IDH2: variants seen among roughly 807,000 people sequenced by gnomAD.
IDH2 encodes isocitrate dehydrogenase (NADP(+)) 2, also known as isocitrate dehydrogenase [NADP], mitochondrial.
Under a neutral mutation model 50.5 loss-of-function variants are expected in IDH2, and 18 were observed. The ratio of observed to expected loss-of-function variants is 0.36; its 90% CI spans 0.25 to 0.53. IDH2 has a LOEUF of 0.53. Among genes scored for constraint, IDH2 ranks in the 20% least tolerant of loss-of-function variants. The probability of loss-of-function intolerance (pLI) is 0.92; values close to 1 mark genes in which losing one functional copy is unlikely to be tolerated. For synonymous variants in IDH2, 280 were observed against 239.8 expected, an observed-to-expected ratio of 1.17 and a Z score of -1.55; for missense variants, 518 against 610.7, an observed-to-expected ratio of 0.85 and a Z score of 1.60.
Position 90,088,451 on chromosome 15 carries a change from A to G in IDH2, c.586T>C (p.Phe196Leu), listed in dbSNP as rs917135445. 4 of 1,614,086 alleles carry G rather than the reference A, an allele frequency of 2.5e-6. No individual in the cohort carries two copies. The African/African-American group carries it at 4.0e-5, about 16-fold the overall frequency. ...ADRAGTFKMV[F>L]TPKDGSGVKE... ...ACACCACTGCCATCTTTTGGGGTGAAGACCATTTTGAAAGTGCCGGCCCGG... is the reference window on the plus strand; with the variant it reads ...ACACCACTGCCATCTTTTGGGGTGAGGACCATTTTGAAAGTGCCGGCCCGG... Residue 196 changes from phenylalanine to leucine, a missense_variant, in exon 5 of 11, where the codon TTC becomes CTC. Physicochemically the swap from Phe to Leu is conservative, Grantham distance 22 (BLOSUM62 0). Around this residue, in one of 5 missense-constraint regions of IDH2, gnomAD observed 207 missense variants for 208.6 expected, o/e 0.99. Transcript: ENST00000330062.
chr15:90,095,604 A>G (rs956650204), intron 1 of IDH2, among the ~76,000 whole-genome samples: 16 of 152,192 alleles, frequency 1.1e-4, no homozygotes, highest in Non-Finnish European at 2.2e-4. Flanking sequence ...AGGAGAGTTC[A>G]AGGTCAAGAT....
chr15:90,094,858 C>T (rs143755928), intron 1 of IDH2, among the ~76,000 whole-genome samples: 3,287 of 152,072 alleles, frequency 0.022, 45 homozygotes, highest in Non-Finnish European at 0.033. Context: ...GCCAAGATCA[C>T]GGCACTGCAC....
In IDH2 at chr15:90,102,294, C is replaced by A; in HGVS notation, c.97G>T (p.Glu33Ter). 1 of 1,334,338 alleles carries A rather than the reference C, an allele frequency of 7.5e-7. No homozygotes were observed. Among genetic ancestry groups the A allele is most frequent in the South Asian group, 1.8e-5 (1 of 56,906 alleles). The allele number at this position is 1,334,338 out of a possible 1,614,324, so 82.7% of individuals were successfully genotyped here. Residue 33 changes from glutamate (E) to a stop codon, truncating the protein, a stop_gained, in exon 1 of 11, where the codon GAG becomes TAG. Transcript: ENST00000330062. LOFTEE classifies it high-confidence loss of function. ...CACTCACAGTGGCGCCGCGGCTGCT[C>A]TTGCGAGGTGGGGGCTGTCAGGGCC... ...PAALTAPTSQ[E>*]QPRRHYADKR...
intron 3 of IDH2, among the ~76,000 whole-genome samples, chr15:90,089,848 G>C (rs1391400490): frequency 6.6e-6 from 1 of 152,190 alleles, no homozygotes; most frequent in East Asian, 1.9e-4. Context: ...CCTGGTGGGG[G>C]CACCTCTCAG....
chr15:90,083,960 G>C lies in IDH2; in HGVS notation c.*306C>G, dbSNP rs1351886204. On this transcript the variant is annotated 3_prime_UTR_variant, in exon 11 of 11. Transcript: ENST00000330062. ...GGTCCCACTACCTCCTCCCCTCAGG[G>C]ACAAACACAGCAGACAATTTTGTGA... is the stretch of plus-strand genomic sequence containing the variant. 1.1e-5 allele frequency: 5 copies of C among 468,786 alleles called. No homozygotes were observed. The East Asian group carries it at 1.9e-4, about 18-fold the overall frequency. 29.0% of individuals were successfully genotyped at this position (468,786 alleles called of 1,614,324 possible). A position where few individuals can be genotyped will look rare whatever the true frequency, so the allele number is the denominator to read the frequency against.
At chr15:90,101,299 G>A (rs1901324380) in intron 1 of IDH2, among the ~76,000 whole-genome samples, 2 of 152,316 alleles carry the variant, frequency 1.3e-5, no homozygotes, top group South Asian at 4.1e-4. Flanking sequence ...CTCCTGGCCA[G>A]ATTAGGATAG....
intron 3 of IDH2, among the ~76,000 whole-genome samples, 159 bp from the exon 4 acceptor site, chr15:90,088,906 A>ATT (rs57901991): frequency 0.032 from 3,093 of 96,376 alleles, 105 homozygotes; most frequent in Non-Finnish European, 0.046. Context: ...GAGTCTGCCA[A>ATT]TTTTTTTTTT....
chr15:90,088,811 C>T (rs2151550107), intron 3 of IDH2, 64 bp from the exon 4 acceptor site: 1 of 1,584,052 alleles, frequency 6.3e-7, no homozygotes, highest in Non-Finnish European at 8.6e-7. Flanking sequence ...AATTTGAACC[C>T]CAAGCAACAA....
chr15:90,086,416 G>A (rs893337116), intron 7 of IDH2, among the ~76,000 whole-genome samples: 4 of 151,424 alleles, frequency 2.6e-5, no homozygotes, highest in Admixed American at 6.6e-5. Context: ...TTTTGGAGAC[G>A]GAGTTTCACC....
At position 90,085,444 on chromosome 15, in the gene IDH2, G is replaced by T; in HGVS notation, c.968-57C>A. On this transcript the variant is annotated intron_variant, in intron 7 of 10. Transcript: ENST00000330062. This position sits in a 1 kb window ranked among gnomAD's most constrained non-coding sequence, Gnocchi z 5.5. ...TCGCCTCTCCTGGGGCCACCCAGCT[G>T]AGCCCTGCTGCCCTCTACAACCCAA... The T allele has an allele frequency of 8.3e-7, 1 of 1,209,696 alleles. No individual in the cohort carries two copies. The highest frequency in any genetic ancestry group is 1.2e-6 in the Non-Finnish European group (1 of 838,092). 74.9% of individuals were successfully genotyped at this position (1,209,696 alleles called of 1,614,324 possible).
intron 1 of IDH2, among the ~76,000 whole-genome samples, chr15:90,099,512 G>A (rs1901274832): frequency 6.6e-6 from 1 of 152,192 alleles, no homozygotes; most frequent in African/African-American, 2.4e-5. Flanking sequence ...TTGTCACCCA[G>A]GCTAGAGTGC....
At chr15:90,095,079 T>A (rs113339467) in intron 1 of IDH2, among the ~76,000 whole-genome samples, 17 of 151,238 alleles carry the variant, frequency 1.1e-4, no homozygotes, top group Admixed American at 2.0e-4. Context: ...TTTTTTTTTT[T>A]TAATCTAAAA....
At position 90,090,465 on chromosome 15, in the gene IDH2, C is replaced by A. The variant is rs1293053468; in HGVS notation, c.373+14G>T. ...GTGACCCTCCCTGGCCCGCCCACCT[C>A]CACACCCTCGCACCTTCCACACGGG... On this transcript the variant is annotated intron_variant, in intron 3 of 10. Coordinates refer to ENST00000330062, the MANE Select transcript of IDH2 (RefSeq NM_002168.4). 6.2e-7 allele frequency: 1 copy of A among 1,612,416 alleles called. No homozygotes were observed. The highest frequency in any genetic ancestry group is 8.5e-7 in the Non-Finnish European group (1 of 1,179,914).
intron 2 of IDH2, 104 bp from the exon 3 acceptor site, chr15:90,090,748 CA>C (rs1410836055): frequency 2.4e-6 from 3 of 1,245,574 alleles, no homozygotes; most frequent in Non-Finnish European, 3.5e-6. Context: ...GACAGTCAGT[CA>C]AAACAGGGAT....
At position 90,088,682 on chromosome 15, in the gene IDH2, C is replaced by T. The variant is rs746624696; in HGVS notation, c.439G>A (p.Val147Ile). The T allele has an allele frequency of 1.9e-5, 30 of 1,614,008 alleles. No individual in the cohort carries two copies. The highest frequency in any genetic ancestry group is 2.7e-5 in the African/African-American group (2 of 74,902). ...TTGCAGATGATGGGCTCCCGGAAGACAGTCCCCCCCAGGATGTTCCGGATA... is the reference window on the plus strand; with the variant it reads ...TTGCAGATGATGGGCTCCCGGAAGATAGTCCCCCCCAGGATGTTCCGGATA... ...GTIRNILGGT[V>I]FREPIICKNI... The change falls in exon 4 of 11, where the codon GTC (valine) becomes ATC (isoleucine). Residue 147 changes from valine (V) to isoleucine (I), a missense_variant. By Grantham distance (29) the Val-to-Ile change is conservative. Coordinates refer to ENST00000330062, the MANE Select transcript of IDH2 (RefSeq NM_002168.4).
chr15:90,091,527 C>A (rs773051600), intron 2 of IDH2, 26 bp downstream of exon 2: 73 of 1,579,750 alleles, frequency 4.6e-5, no homozygotes, highest in Non-Finnish European at 5.5e-5. Context: ...ACCTGGAGAG[C>A]CACCCACTTC....
rs561651949 is a variant in IDH2 at position 90,096,364 on chromosome 15, C to T, written c.116-4720G>A. On this transcript the variant is annotated intron_variant, in intron 1 of 10. Coordinates refer to ENST00000330062, the MANE Select transcript of IDH2 (RefSeq NM_002168.4). ...ACATTTCAAGTCCAAAGATGATATA[C>T]AAATGGCCAACAAGCACATGAAAAG... 2.1e-4 allele frequency among the ~76,000 whole-genome samples: 32 copies of T among 152,178 alleles called. No individual in the cohort carries two copies. The East Asian group carries it at 6.0e-3, about 29-fold the overall frequency.
In IDH2 at chr15:90,087,140, T is replaced by C. The variant is rs16943901; in HGVS notation, c.939A>G (p.Gly313=). The C allele has an allele frequency of 2.1e-3, 3,422 of 1,613,994 alleles. 112 individuals are homozygous for C. The East Asian group carries it at 0.062, about 29-fold the overall frequency. Reference sequence around the variant, plus strand: ...GGGCCAGGATGTCTGACTGCACATCTCCGTCATAGTTCTTGCAGGCCCACA... The same window carrying C: ...GGGCCAGGATGTCTGACTGCACATCCCCGTCATAGTTCTTGCAGGCCCACA... ...GFVWACKNYD[G]DVQSDILAQG... The change falls in exon 7 of 11, where the codon GGA becomes GGG. Residue 313 remains glycine (G), a synonymous_variant. Coordinates refer to ENST00000330062, the MANE Select transcript of IDH2 (RefSeq NM_002168.4).
In IDH2 at chr15:90,090,511, G is replaced by T; in HGVS notation, c.341C>A (p.Ala114Asp). ...ACGGGCCTCATCAGGGGTGATGGTG[G>T]CACACTTGACAGCCACACTGTACTT... is the stretch of plus-strand genomic sequence containing the variant. The part of the protein sequence containing the change: ...TQKYSVAVKC[A>D]TITPDEARVE... Residue 114 changes from alanine to aspartate, a missense_variant, in exon 3 of 11, where the codon GCC (alanine) becomes GAC (aspartate). Around this residue, in one of 5 missense-constraint regions of IDH2, gnomAD observed 68 missense variants for 109.7 expected, o/e 0.62. Coordinates refer to ENST00000330062, the MANE Select transcript of IDH2 (RefSeq NM_002168.4). 1 of 1,613,954 alleles carries T rather than the reference G, an allele frequency of 6.2e-7. No individual in the cohort carries two copies. Among genetic ancestry groups the T allele is most frequent in the Non-Finnish European group, 8.5e-7 (1 of 1,180,024 alleles).
Sources: allele counts gnomAD v4.1 joint callset (sites outside exome capture counted in the v4.1 genomes callset), GRCh38; gene constraint gnomAD v4.1.1; regional missense constraint gnomAD v4.1.1; non-coding constraint Gnocchi (gnomAD v3.1); transcripts MANE v1.5; gene names NCBI Gene and HGNC (gene_info 2026-07-23, HGNC 2026-07-21).